Variants in FDFT1 observed in about 807,000 individuals in gnomAD.
FDFT1 encodes the protein farnesyl-diphosphate farnesyltransferase 1, also known as squalene synthase.
Under a neutral mutation model 46.8 loss-of-function variants are expected in FDFT1, and 68 were observed. The observed-to-expected ratio is 1.45, with a 90% CI of 1.19 to 1.78. The LOEUF (loss-of-function observed/expected upper bound fraction) is 1.78. FDFT1 is among the 40% of genes most tolerant of loss of function. The probability of loss-of-function intolerance (pLI) is 0.00; values close to 1 mark genes in which losing one functional copy is unlikely to be tolerated. For missense variants in FDFT1, 928 were observed against 524.4 expected, an observed-to-expected ratio of 1.77 and a Z score of -7.52; for synonymous variants, 351 against 185.1, an observed-to-expected ratio of 1.90 and a Z score of -7.28.
chr8:11,812,779 A>T (rs1161468528), intron 3 of FDFT1, among the ~76,000 whole-genome samples: 3 of 152,244 alleles, frequency 2.0e-5, no homozygotes, highest in African/African-American at 7.2e-5. Context: ...CTCGATGTAC[A>T]GTAGATTGAA....
rs1253378890 is a variant in FDFT1, at chr8:11,821,832, C to T, written c.464C>T (p.Ala155Val). 4 of 1,613,644 alleles carry T rather than the reference C, an allele frequency of 2.5e-6. No homozygotes were observed. Among genetic ancestry groups the T allele is most frequent in the African/African-American group, 1.3e-5 (1 of 75,018 alleles). ...TGCCGGAGAATGGGCATTGGGATGGCAGAGTTTTTGGATAAGCATGTGACC... is the reference window on the plus strand; with the variant it reads ...TGCCGGAGAATGGGCATTGGGATGGTAGAGTTTTTGGATAAGCATGTGACC... Reference protein sequence around the residue: ...DICRRMGIGMAEFLDKHVTSE... With the variant: ...DICRRMGIGMVEFLDKHVTSE... Residue 155 changes from alanine (A) to valine (V), a missense_variant, in exon 4 of 8, where the codon GCA becomes GTA. Ala to Val is a moderately conservative substitution (Grantham distance 64). Coordinates refer to ENST00000220584, the MANE Select transcript of FDFT1 (RefSeq NM_004462.5).
chr8:11,814,205 A>C (rs985119387), intron 3 of FDFT1, among the ~76,000 whole-genome samples: 1 of 152,162 alleles, frequency 6.6e-6, no homozygotes, highest in African/African-American at 2.4e-5. Context: ...TGTTTCAGCC[A>C]CAAGAAGGAA....
rs1811895647 is a variant in FDFT1, at chr8:11,838,615, A to C, written c.*6A>C. 2 of 1,605,088 alleles carry C rather than the reference A, an allele frequency of 1.2e-6. No individual in the cohort carries two copies. Among genetic ancestry groups the C allele is most frequent in the Non-Finnish European group, 1.7e-6 (2 of 1,171,754 alleles). On this transcript the variant is annotated 3_prime_UTR_variant, in exon 8 of 8. Coordinates refer to ENST00000220584, the MANE Select transcript of FDFT1 (RefSeq NM_004462.5). ...TTCAGACTGGAGAACACTGATCCCA[A>C]ATTTGTCCATAGCTGAAGTCCACCA...
At chr8:11,827,472 C>G (rs1183898371) in intron 5 of FDFT1, among the ~76,000 whole-genome samples, 1 of 151,230 alleles carries the variant, frequency 6.6e-6, no homozygotes, top group African/African-American at 2.4e-5. Flanking sequence ...GAGTTGTAAT[C>G]ACACCACTGC....
At position 11,821,755 on chromosome 8, in the gene FDFT1, C is replaced by T; in HGVS notation, c.387C>T (p.Ser129=). ...RQVLEDFPTI[S]LEFRNLAEKY... is the part of the protein sequence containing the mutation. ...TTTTACGGTTTCCATTTCAGATCTC[C>T]CTTGAGTTTAGAAATCTGGCTGAGA... Residue 129 remains serine, a synonymous_variant, in exon 4 of 8, where the codon TCC becomes TCT. Coordinates refer to ENST00000220584, the MANE Select transcript of FDFT1 (RefSeq NM_004462.5). 2.5e-6 allele frequency: 4 copies of T among 1,613,008 alleles called. No homozygotes were observed. The highest frequency in any genetic ancestry group is 1.3e-5 in the African/African-American group (1 of 74,978).
At chr8:11,809,254 G>C (rs966140186) in intron 2 of FDFT1, 1 of 1,155,088 alleles carries the variant, frequency 8.7e-7, no homozygotes, top group South Asian at 2.5e-5. Flanking sequence ...AGCTGCCTCT[G>C]TGCACATTAC....
chr8:11,814,393 C>T (rs943658149), intron 3 of FDFT1, among the ~76,000 whole-genome samples: 1 of 148,350 alleles, frequency 6.7e-6, no homozygotes, highest in African/African-American at 2.5e-5. Flanking sequence ...ATGTTGCAAT[C>T]AGCCGGCCAC....
chr8:11,838,518 C>T lies in FDFT1; in HGVS notation c.1163C>T (p.Ser388Leu). ...SRSHYSPIYL[S>L]FVMLLAALSW... is the part of the protein sequence containing the mutation. ...AGCCACTACTCCCCCATCTACCTGT[C>T]GTTTGTCATGCTTTTGGCTGCCCTG... is the stretch of plus-strand genomic sequence containing the variant. The change falls in exon 8 of 8, where the codon TCG (serine) becomes TTG (leucine). Residue 388 changes from serine (S) to leucine (L), a missense_variant. Ser to Leu is a moderately radical substitution (Grantham distance 145). Transcript: ENST00000220584. 2 of 1,608,852 alleles carry T rather than the reference C, an allele frequency of 1.2e-6. No individual in the cohort carries two copies. Among genetic ancestry groups the T allele is most frequent in the Non-Finnish European group, 1.7e-6 (2 of 1,177,094 alleles).
At chr8:11,801,022 G>A (rs149772355), upstream of FDFT1, among the ~76,000 whole-genome samples, 854 of 152,268 alleles carry the variant, frequency 5.6e-3, 8 homozygotes, top group Non-Finnish European at 9.0e-3. Flanking sequence ...TAGGCAAGTA[G>A]ACCCCCACTG....
chr8:11,821,870 T>TG lies in FDFT1; in HGVS notation c.505dup (p.Asp169GlyfsTer25). On this transcript the variant is annotated frameshift_variant, in exon 4 of 8. Transcript: ENST00000220584. LOFTEE classifies it high-confidence loss of function. The stretch of plus-strand genomic sequence containing the variant: ...TAAGCATGTGACCTCTGAACAGGAG[T>TG]GGGACAAGGTTAGTCTCATAAAACA... The TG allele has an allele frequency of 6.2e-7, 1 of 1,612,834 alleles. No homozygotes were observed. Among genetic ancestry groups the TG allele is most frequent in the Non-Finnish European group, 8.5e-7 (1 of 1,179,196 alleles).
upstream of FDFT1, among the ~76,000 whole-genome samples, chr8:11,798,388 C>G (rs917474326): frequency 6.6e-6 from 1 of 152,168 alleles, no homozygotes; most frequent in African/African-American, 2.4e-5. Context: ...AATAACTCTA[C>G]CTGCCATATG....
chr8:11,825,779 T>G (rs1463628921), intron 4 of FDFT1, among the ~76,000 whole-genome samples: 1 of 152,130 alleles, frequency 6.6e-6, no homozygotes, highest in East Asian at 1.9e-4. Context: ...ATTGTAGAAA[T>G]TTGGAAAATA....
chr8:11,808,401 T>A, intron 1 of FDFT1: 1 of 1,236,130 alleles, frequency 8.1e-7, no homozygotes, highest in Non-Finnish European at 1.0e-6. Context: ...GCGGGCCCGT[T>A]GTGGGTCGGC....
chr8:11,837,920 G>A (rs112890077), intron 7 of FDFT1, among the ~76,000 whole-genome samples: 1 of 152,266 alleles, frequency 6.6e-6, no homozygotes, highest in African/African-American at 2.4e-5. Flanking sequence ...GGTTCATACG[G>A]CTCCCTGCTT....
At chr8:11,808,140 T>G in intron 1 of FDFT1, 3 of 507,748 alleles carry the variant, frequency 5.9e-6, no homozygotes, top group East Asian at 1.2e-4. Flanking sequence ...TTTAGCAGGA[T>G]TCTTGGTAAA....
chr8:11,805,040 G>A (rs537954521), intron 1 of FDFT1, among the ~76,000 whole-genome samples: 1 of 150,914 alleles, frequency 6.6e-6, no homozygotes, highest in African/African-American at 2.4e-5. Context: ...TCCTGATCCC[G>A]AGTAGCTGGG....
chr8:11,822,776 A>G (rs1211543276), intron 4 of FDFT1, among the ~76,000 whole-genome samples: 1 of 152,220 alleles, frequency 6.6e-6, no homozygotes, highest in Non-Finnish European at 1.5e-5. Flanking sequence ...TGATTGTGCC[A>G]CTGCACTCCA....
chr8:11,797,739 C>T (rs967184600), upstream of FDFT1, among the ~76,000 whole-genome samples: 8 of 151,240 alleles, frequency 5.3e-5, no homozygotes, highest in African/African-American at 7.3e-5. Context: ...ATTCCTGAAG[C>T]AGATTCCACC....
intron 7 of FDFT1, among the ~76,000 whole-genome samples, chr8:11,835,602 G>C (rs1811429147): frequency 6.6e-6 from 1 of 152,124 alleles, no homozygotes; most frequent in African/African-American, 2.4e-5. Context: ...GGGTGCCAGC[G>C]ATTGATTCCA....
Sources: allele counts gnomAD v4.1 joint callset (sites outside exome capture counted in the v4.1 genomes callset), GRCh38; gene constraint gnomAD v4.1.1; transcripts MANE v1.5; gene names NCBI Gene and HGNC (gene_info 2026-07-23, HGNC 2026-07-21).